HCN1: variants seen among roughly 807,000 people sequenced by gnomAD.
HCN1 encodes the protein potassium/sodium hyperpolarization-activated cyclic nucleotide-gated channel 1.
In HCN1, 13 loss-of-function variants were observed where a neutral mutation model predicts 78.9. The ratio of observed to expected loss-of-function variants is 0.16; its 90% CI spans 0.11 to 0.26. The LOEUF (loss-of-function observed/expected upper bound fraction) is 0.26. HCN1 is among the 10% of genes least tolerant of loss of function. HCN1 has a pLI of 1.00. For missense variants in HCN1, 810 were observed against 1,154.3 expected (o/e 0.70, Z 4.32); for synonymous variants, 552 against 455.5 (o/e 1.21, Z -2.70).
intron 2 of HCN1, among the ~76,000 whole-genome samples, chr5:45,490,306 G>T (rs977102547): frequency 6.6e-6 from 1 of 152,130 alleles, no homozygotes; most frequent in African/African-American, 2.4e-5. Flanking sequence ...AGATACCAAA[G>T]GTCTTGCTGA....
intron 5 of HCN1, 151 bp from the exon 6 acceptor site, chr5:45,303,990 C>G: frequency 1.3e-6 from 1 of 743,624 alleles, no homozygotes; most frequent in Non-Finnish European, 2.2e-6. Flanking sequence ...CATCATATTA[C>G]AGTCAGGATT....
At chr5:45,682,296 T>C (rs1238576186) in intron 1 of HCN1, among the ~76,000 whole-genome samples, 1 of 147,896 alleles carries the variant, frequency 6.8e-6, no homozygotes, top group Non-Finnish European at 1.5e-5. Flanking sequence ...TATACACATA[T>C]ATATATCCCA....
At chr5:45,372,800 T>A (rs1456229481) in intron 4 of HCN1, among the ~76,000 whole-genome samples, 1 of 141,462 alleles carries the variant, frequency 7.1e-6, no homozygotes, top group African/African-American at 2.6e-5. Flanking sequence ...AATATTTACG[T>A]ATTCTATACA....
intron 2 of HCN1, among the ~76,000 whole-genome samples, chr5:45,472,823 C>CCAGAATA (rs1741420316): frequency 6.6e-6 from 1 of 151,908 alleles, no homozygotes; most frequent in African/African-American, 2.4e-5. Context: ...CCCATTCATT[C>CCAGAATA]CAGAATACCT....
intron 5 of HCN1, among the ~76,000 whole-genome samples, chr5:45,325,508 T>C (rs1032292050): frequency 2.0e-5 from 3 of 151,776 alleles, no homozygotes; most frequent in South Asian, 2.1e-4. Flanking sequence ...TCTATTGATA[T>C]GATAAATTTG....
intron 4 of HCN1, among the ~76,000 whole-genome samples, chr5:45,389,845 C>G (rs926503403): frequency 1.3e-5 from 2 of 152,110 alleles, no homozygotes; most frequent in Non-Finnish European, 2.9e-5. Context: ...GTATCTCATG[C>G]ACTGTTGTGA....
At chr5:45,596,778 T>G (rs865894577) in intron 2 of HCN1, among the ~76,000 whole-genome samples, 10 of 152,140 alleles carry the variant, frequency 6.6e-5, no homozygotes, top group African/African-American at 2.4e-4. Flanking sequence ...TACATCAGAA[T>G]TACATACTAA....
At chr5:45,366,912 T>C (rs920611038) in intron 4 of HCN1, among the ~76,000 whole-genome samples, 64 of 151,794 alleles carry the variant, frequency 4.2e-4, no homozygotes, top group African/African-American at 1.5e-3. Flanking sequence ...AATGATGTGG[T>C]ATTAAGAATT....
chr5:45,500,785 T>A (rs2111731903), intron 2 of HCN1, among the ~76,000 whole-genome samples: 1 of 152,308 alleles, frequency 6.6e-6, no homozygotes, highest in East Asian at 1.9e-4. Flanking sequence ...GGGATGTAAA[T>A]CATTTTATTT....
In HCN1 at chr5:45,332,547, G is replaced by A. The variant is rs187662284; in HGVS notation, c.1377+20553C>T. ...CTATCTCCATGAGTTCAATTGTTTT[G>A]ATTTTCAGATGCCAGAAATAAGTGA... On this transcript the variant is annotated intron_variant, in intron 5 of 7. Transcript: ENST00000303230. Among the ~76,000 whole-genome samples the A allele has an allele frequency of 2.6e-3, 395 of 149,078 alleles. 1 individual carries two copies. Among genetic ancestry groups the A allele is most frequent in the African/African-American group, 9.2e-3 (374 of 40,600 alleles).
At chr5:45,523,015 C>A (rs370882004) in intron 2 of HCN1, among the ~76,000 whole-genome samples, 1 of 151,866 alleles carries the variant, frequency 6.6e-6, no homozygotes, top group Non-Finnish European at 1.5e-5. Flanking sequence ...CCACTCCCCC[C>A]ACCCCACAAC....
At chr5:45,334,777 G>C (rs1020561018) in intron 5 of HCN1, among the ~76,000 whole-genome samples, 65 of 151,804 alleles carry the variant, frequency 4.3e-4, no homozygotes, top group African/African-American at 1.5e-3. Context: ...ACATAATTTT[G>C]CTAATCTTTT....
chr5:45,371,929 A>G (rs1747376687), intron 4 of HCN1, among the ~76,000 whole-genome samples: 1 of 103,408 alleles, frequency 9.7e-6, no homozygotes, highest in African/African-American at 3.7e-5. Flanking sequence ...AATATACATT[A>G]TATTATATAT....
chr5:45,509,014 T>C (rs1215004056), intron 2 of HCN1, among the ~76,000 whole-genome samples: 1 of 152,144 alleles, frequency 6.6e-6, no homozygotes, highest in Admixed American at 6.6e-5. Flanking sequence ...TACTAAGTTC[T>C]TACCCTGCCC....
At chr5:45,286,445 T>A (rs995471599) in intron 6 of HCN1, among the ~76,000 whole-genome samples, 1 of 151,966 alleles carries the variant, frequency 6.6e-6, no homozygotes, top group African/African-American at 2.4e-5. Flanking sequence ...ATATTTCAAA[T>A]CTTTACAATA....
At chr5:45,544,080 C>T (rs1446595616) in intron 2 of HCN1, among the ~76,000 whole-genome samples, 2 of 151,972 alleles carry the variant, frequency 1.3e-5, no homozygotes, top group African/African-American at 4.8e-5. Context: ...AAACAAAGGG[C>T]ATCAAATACT....
In HCN1 at chr5:45,577,693, T is replaced by C. The variant is rs146991106; in HGVS notation, c.849+67492A>G. Among the ~76,000 whole-genome samples, 8 of 152,102 alleles carry C rather than the reference T, an allele frequency of 5.3e-5. No homozygotes were observed. The East Asian group carries it at 1.5e-3, about 29-fold the overall frequency. ...TTTAACAACTATATAAAGAAATATA[T>C]GCAAATTATAAAATGAGCTTTATAA... On this transcript the variant is annotated intron_variant, in intron 2 of 7. Transcript: ENST00000303230.
intron 2 of HCN1, among the ~76,000 whole-genome samples, chr5:45,615,532 C>T (rs1292137473): frequency 6.6e-6 from 1 of 151,930 alleles, no homozygotes; most frequent in Non-Finnish European, 1.5e-5. Flanking sequence ...CAGAATAAAA[C>T]AGTTGATTGA....
intron 5 of HCN1, among the ~76,000 whole-genome samples, chr5:45,325,372 C>T (rs960653360): frequency 6.6e-6 from 1 of 151,528 alleles, no homozygotes; most frequent in Non-Finnish European, 1.5e-5. Context: ...ATCTGGAAAC[C>T]TACATCTAAT....
Sources: allele counts gnomAD v4.1 joint callset (sites outside exome capture counted in the v4.1 genomes callset), GRCh38; gene constraint gnomAD v4.1.1; transcripts MANE v1.5; gene names NCBI Gene and HGNC (gene_info 2026-07-23, HGNC 2026-07-21).